PTPN22: variants seen among roughly 807,000 people sequenced by gnomAD.
PTPN22 encodes the protein tyrosine-protein phosphatase non-receptor type 22.
In PTPN22, 85 loss-of-function variants were observed where a neutral mutation model predicts 103.3. The observed-to-expected ratio is 0.82, with a 90% CI of 0.69 to 0.99. PTPN22 has a LOEUF of 0.99. PTPN22 is among the 50% of genes least tolerant of loss of function. The pLI, the probability that PTPN22 is intolerant of heterozygous loss-of-function variation, is 0.00. For synonymous variants in PTPN22, 323 were observed against 310.2 expected (o/e 1.04, Z -0.43); for missense variants, 865 against 936.9 (o/e 0.92, Z 1.00).
At chr1:113,837,718 A>T (rs375746217) in exon 13 of PTPN22, 1 of 1,610,240 alleles carries the variant, frequency 6.2e-7, no homozygotes, top group African/African-American at 1.3e-5. Flanking sequence ...AGAAGGAAAA[A>T]CAGTTCCATC....
At chr1:113,838,440 A>G (rs758390411) in intron 12 of PTPN22, 33 bp from the exon 13 acceptor site, 3 of 1,585,994 alleles carry the variant, frequency 1.9e-6, no homozygotes, top group Admixed American at 1.8e-5. Context: ...TGATGACACC[A>G]TACCCCAAAC....
chr1:113,823,189 T>C (rs1205358201), intron 19 of PTPN22: 1 of 152,220 alleles, frequency 6.6e-6, no homozygotes, highest in Non-Finnish European at 1.5e-5. Context: ...TTCACCATCA[T>C]ATACCAAGTG....
intron 5 of PTPN22, chr1:113,856,833 A>G: frequency 1.8e-6 from 1 of 542,090 alleles, no homozygotes; most frequent in Non-Finnish European, 3.1e-6. Flanking sequence ...GAGTCTGAAA[A>G]AGTAGAAATA....
Position 113,859,321 on chromosome 1 carries a change from G to C in PTPN22, c.196+31C>G, listed in dbSNP as rs72483508. On this transcript the variant is annotated intron_variant, in intron 2 of 20. Transcript: ENST00000359785. ...TAGTAATGATTGAATTTGGGAGAAA[G>C]TATGAGTTTATAGAGAGAAATGGAA... 3 of 1,582,384 alleles carry C rather than the reference G, an allele frequency of 1.9e-6. No individual in the cohort carries two copies. The East Asian group carries it at 6.7e-5, about 35-fold the overall frequency.
chr1:113,832,901 G>C (rs1662671033), intron 16 of PTPN22: 1 of 483,274 alleles, frequency 2.1e-6, no homozygotes, highest in Non-Finnish European at 3.7e-6. Context: ...ATTTCAGAGA[G>C]GTTATATATT....
In PTPN22 at chr1:113,852,701, G is replaced by A. The variant is rs562057919; in HGVS notation, c.751-597C>T. ...AGTAATTTGCCTTCACCTTAGGTTA[G>A]GTGCACCTAACCCCCTTGGGGTTCA... On this transcript the variant is annotated intron_variant, in intron 9 of 20. Transcript: ENST00000359785. Among the ~76,000 whole-genome samples the A allele has an allele frequency of 3.2e-4, 48 of 152,266 alleles. No homozygotes were observed. The South Asian group carries it at 6.8e-3, about 22-fold the overall frequency.
chr1:113,821,221 T>C (rs1161544980), intron 19 of PTPN22, among the ~76,000 whole-genome samples: 1 of 152,168 alleles, frequency 6.6e-6, no homozygotes, highest in Non-Finnish European at 1.5e-5. Flanking sequence ...ATTGTTTTTT[T>C]TACAAAGGAG....
At chr1:113,819,707 A>G in intron 19 of PTPN22, 53 bp from the exon 20 acceptor site, 1 of 1,206,930 alleles carries the variant, frequency 8.3e-7, no homozygotes, top group East Asian at 2.4e-5. Context: ...GACTCAGATG[A>G]CTGTTGATCA....
intron 11 of PTPN22, among the ~76,000 whole-genome samples, chr1:113,843,078 C>T (rs1159877381): frequency 5.3e-5 from 5 of 94,908 alleles, no homozygotes; most frequent in African/African-American, 1.9e-4. Flanking sequence ...CCAGCCTGGG[C>T]GACAGAGCGA....
intron 18 of PTPN22, among the ~76,000 whole-genome samples, chr1:113,827,940 A>G: frequency 6.6e-6 from 1 of 152,224 alleles, no homozygotes; most frequent in East Asian, 1.9e-4. Context: ...GGAATTTACC[A>G]TTCTGATGGA....
intron 20 of PTPN22, 138 bp from the exon 21 acceptor site, chr1:113,815,107 G>GTAAT: frequency 1.6e-6 from 1 of 623,838 alleles, no homozygotes. Context: ...GACCAGTTTA[G>GTAAT]TAATAGATTA....
intron 20 of PTPN22, among the ~76,000 whole-genome samples, chr1:113,818,835 T>C (rs972509008): frequency 2.6e-5 from 4 of 152,214 alleles, no homozygotes; most frequent in Admixed American, 2.6e-4. Context: ...CTTTTTCCTC[T>C]TTTCTTGCCA....
chr1:113,847,758 T>C (rs1487279556), intron 11 of PTPN22, among the ~76,000 whole-genome samples: 1 of 151,876 alleles, frequency 6.6e-6, no homozygotes, highest in Non-Finnish European at 1.5e-5. Flanking sequence ...TTTGTATTTT[T>C]AGTAGAGATG....
At chr1:113,819,926 C>A in intron 19 of PTPN22, 4 of 215,222 alleles carry the variant, frequency 1.9e-5, no homozygotes, top group Admixed American at 5.8e-5. Flanking sequence ...AAATAAGATC[C>A]AATATATCAT....
intron 19 of PTPN22, chr1:113,819,946 T>C (rs565553901): frequency 5.3e-6 from 1 of 188,222 alleles, no homozygotes; most frequent in East Asian, 1.2e-4. Flanking sequence ...TGAATCAGCA[T>C]TTTTTTGTTT....
At chr1:113,840,108 G>A (rs1663412884) in intron 11 of PTPN22, among the ~76,000 whole-genome samples, 1 of 151,908 alleles carries the variant, frequency 6.6e-6, no homozygotes, top group South Asian at 2.1e-4. Flanking sequence ...CTATTCGGGA[G>A]GCTGAAGCAG....
At position 113,829,713 on chromosome 1, in the gene PTPN22, A is replaced by T; in HGVS notation, c.2135-6T>A. 6.8e-7 allele frequency: 1 copy of T among 1,466,772 alleles called. No homozygotes were observed. The highest frequency in any genetic ancestry group is 1.4e-5 in the African/African-American group (1 of 69,090). The allele number at this position is 1,466,772 out of a possible 1,614,324, so 90.9% of individuals were successfully genotyped here. A position where few individuals can be genotyped will look rare whatever the true frequency, so the allele number is the denominator to read the frequency against. ...TATAGATTGGGCCTGCATACCTTAA[A>T]AAAAAAAAAGGAGAAAAACATGTTC... On this transcript the variant is annotated splice_polypyrimidine_tract_variant and splice_region_variant and intron_variant, in intron 17 of 20. Coordinates refer to ENST00000359785, the Ensembl canonical transcript of PTPN22.
chr1:113,868,228 A>G (rs1167080135), intron 1 of PTPN22, among the ~76,000 whole-genome samples: 1 of 152,180 alleles, frequency 6.6e-6, no homozygotes, highest in African/African-American at 2.4e-5. Context: ...AATCTGAACC[A>G]TGGACCTGGG....
chr1:113,834,945 C>T lies in PTPN22; in HGVS notation c.1859G>A (p.Trp620Ter), dbSNP rs201811041. Reference sequence around the variant, plus strand: ...AACCACAATAAATGATTCAGGTGTCCATACAGGAAGTGGAGGGGGGATTTC... The same window carrying T: ...AACCACAATAAATGATTCAGGTGTCTATACAGGAAGTGGAGGGGGGATTTC... The change falls in exon 14 of 21, where the codon TGG becomes TAG. Residue 620 changes from tryptophan (W) to a stop codon, truncating the protein, a stop_gained. Transcript: ENST00000359785. LOFTEE classifies it high-confidence loss of function. 1.5e-4 allele frequency: 244 copies of T among 1,580,932 alleles called. 1 individual carries two copies. Among genetic ancestry groups the T allele is most frequent in the East Asian group, 7.1e-5 (3 of 42,188 alleles).
Sources: gnomAD v4.1 joint callset for allele counts (sites outside exome capture counted in the v4.1 genomes callset) on GRCh38, gnomAD v4.1.1 for gene constraint, MANE v1.5 for transcripts, NCBI Gene and HGNC (gene_info 2026-07-23, HGNC 2026-07-21) for gene names.